UGT1A8: variants seen among roughly 807,000 people sequenced by gnomAD.
UGT1A8 encodes the protein UDP-glucuronosyltransferase 1A8.
In UGT1A8, 39 loss-of-function variants were observed where a neutral mutation model predicts 45.3. That is an observed-to-expected ratio of 0.86 (90% CI 0.67 to 1.12). The LOEUF is 1.12. UGT1A8 is among the 50% of genes most tolerant of loss of function. The probability of loss-of-function intolerance (pLI) is 0.00; values close to 1 mark genes in which losing one functional copy is unlikely to be tolerated. For synonymous variants in UGT1A8, 275 were observed against 249.2 expected (o/e 1.10, Z -0.97); for missense variants, 719 against 664.9 (o/e 1.08, Z -0.90).
chr2:233,712,420 A>G (rs1330088070), intron 1 of UGT1A8, among the ~76,000 whole-genome samples: 3 of 152,190 alleles, frequency 2.0e-5, no homozygotes, highest in African/African-American at 7.2e-5. Context: ...GCTTTACAAG[A>G]AATATCCTGG....
intron 1 of UGT1A8, among the ~76,000 whole-genome samples, chr2:233,653,834 T>C (rs987746841): frequency 2.0e-5 from 3 of 152,230 alleles, no homozygotes; most frequent in Non-Finnish European, 4.4e-5. Context: ...TGACTTCAGA[T>C]GATCTGCCCT....
At chr2:233,741,883 TAGA>T (rs1422759422) in intron 1 of UGT1A8, 4 of 151,920 alleles carry the variant, frequency 2.6e-5, no homozygotes, top group Admixed American at 2.0e-4. Context: ...GAGGTGACCC[TAGA>T]AGAAGGGACC....
intron 1 of UGT1A8, chr2:233,693,024 C>T (rs866045701): frequency 1.2e-6 from 2 of 1,614,158 alleles, no homozygotes; most frequent in Non-Finnish European, 1.7e-6. Context: ...CTCCTTCGCT[C>T]ATTTCAGAGA....
At chr2:233,669,550 T>C (rs953841720) in intron 1 of UGT1A8, among the ~76,000 whole-genome samples, 5 of 152,226 alleles carry the variant, frequency 3.3e-5, no homozygotes, top group Non-Finnish European at 7.3e-5. Context: ...TTATTTTTGA[T>C]GCTATTTAGG....
At chr2:233,695,670 G>C (rs962399799) in intron 1 of UGT1A8, among the ~76,000 whole-genome samples, 6 of 151,946 alleles carry the variant, frequency 3.9e-5, no homozygotes, top group Non-Finnish European at 8.8e-5. Flanking sequence ...AGAACATGTG[G>C]TATTTGTCTT....
At chr2:233,729,726 C>A in intron 1 of UGT1A8, 1 of 1,613,932 alleles carries the variant, frequency 6.2e-7, no homozygotes, top group Non-Finnish European at 8.5e-7. Context: ...TACTAACAAC[C>A]AATTCAGACC....
intron 1 of UGT1A8, among the ~76,000 whole-genome samples, chr2:233,766,438 G>A (rs1233276669): frequency 2.6e-5 from 4 of 152,194 alleles, no homozygotes; most frequent in Non-Finnish European, 5.9e-5. Flanking sequence ...AGCTACCTGT[G>A]TGTCTGCCTG....
rs564184455 is a variant in UGT1A8 at position 233,636,359 on chromosome 2, C to T, written c.855+17797C>T. ...TCAGCAAATGATACTCGTGTGTTATCGTTCTTATGAGTAAATCATTGGCAG... is the reference window on the plus strand; with the variant it reads ...TCAGCAAATGATACTCGTGTGTTATTGTTCTTATGAGTAAATCATTGGCAG... On this transcript the variant is annotated intron_variant, in intron 1 of 4. Coordinates refer to ENST00000373450, the MANE Select transcript of UGT1A8 (RefSeq NM_019076.5). 37 of 1,221,610 alleles carry T rather than the reference C, an allele frequency of 3.0e-5. No individual in the cohort carries two copies. The South Asian group carries it at 3.6e-4, about 12-fold the overall frequency. 75.7% of individuals were successfully genotyped at this position (1,221,610 alleles called of 1,614,324 possible). A position where few individuals can be genotyped will look rare whatever the true frequency, so the allele number is the denominator to read the frequency against.
chr2:233,677,783 A>T (rs2074399650), intron 1 of UGT1A8, among the ~76,000 whole-genome samples: 1 of 152,182 alleles, frequency 6.6e-6, no homozygotes, highest in Admixed American at 6.6e-5. Context: ...TTTGCAAAGA[A>T]CTTAAAACAG....
chr2:233,695,124 T>C (rs897495873), intron 1 of UGT1A8, among the ~76,000 whole-genome samples: 33 of 116,872 alleles, frequency 2.8e-4, no homozygotes, highest in African/African-American at 1.1e-3. Context: ...CCAACCCTTT[T>C]CTTTTCTTTT....
intron 1 of UGT1A8, among the ~76,000 whole-genome samples, chr2:233,624,510 TA>T (rs1201514651): frequency 3.9e-5 from 6 of 152,158 alleles, no homozygotes; most frequent in African/African-American, 1.2e-4. Flanking sequence ...TGTACCTTTG[TA>T]AAAACTTGGC....
At chr2:233,692,802 A>G (rs2075115278) in intron 1 of UGT1A8, 1 of 1,397,668 alleles carries the variant, frequency 7.2e-7, no homozygotes, top group Non-Finnish European at 9.3e-7. Context: ...TGACACGGCC[A>G]TAGTTGGTTC....
intron 1 of UGT1A8, among the ~76,000 whole-genome samples, chr2:233,629,268 C>T (rs1250571648): frequency 6.6e-6 from 1 of 152,162 alleles, no homozygotes; most frequent in Non-Finnish European, 1.5e-5. Flanking sequence ...CCTTAAGTTT[C>T]ATTCATGTTA....
Position 233,755,090 on chromosome 2 carries a change from C to G in UGT1A8, c.856-11944C>G, listed in dbSNP as rs778198655. On this transcript the variant is annotated intron_variant, in intron 1 of 4. Transcript: ENST00000373450. ...CATAGCGGTCATAGATATCGCGTTT[C>G]TACGCGTCCGACAACACCTCGTAGG... 4 of 1,336,104 alleles carry G rather than the reference C, an allele frequency of 3.0e-6. No homozygotes were observed. The South Asian group carries it at 4.6e-5, about 15-fold the overall frequency. The allele number at this position is 1,336,104 out of a possible 1,614,324, so 82.8% of individuals were successfully genotyped here. A position where few individuals can be genotyped will look rare whatever the true frequency, so the allele number is the denominator to read the frequency against.
At chr2:233,690,707 C>A (rs2075004016) in intron 1 of UGT1A8, 1 of 1,225,352 alleles carries the variant, frequency 8.2e-7, no homozygotes, top group African/African-American at 1.6e-5. Context: ...TAGGGATCGT[C>A]ATTATGACGA....
At chr2:233,678,119 G>C (rs1170169023) in intron 1 of UGT1A8, among the ~76,000 whole-genome samples, 1 of 152,094 alleles carries the variant, frequency 6.6e-6, no homozygotes, top group Non-Finnish European at 1.5e-5. Context: ...TAAATAGTGG[G>C]TACTTTTGGG....
At chr2:233,630,736 A>G (rs767944807) in intron 1 of UGT1A8, among the ~76,000 whole-genome samples, 5 of 150,554 alleles carry the variant, frequency 3.3e-5, no homozygotes, top group Non-Finnish European at 7.4e-5. Flanking sequence ...TTTAATTTTT[A>G]TTTTTATTTC....
chr2:233,757,231 AGTG>A (rs1225021845), intron 1 of UGT1A8, among the ~76,000 whole-genome samples: 2 of 127,510 alleles, frequency 1.6e-5, no homozygotes, highest in African/African-American at 6.0e-5. Flanking sequence ...AGGTTCCAGA[AGTG>A]GTGGTGAGGT....
chr2:233,721,852 T>C (rs2076975990), intron 1 of UGT1A8: 1 of 513,872 alleles, frequency 1.9e-6, no homozygotes, highest in African/African-American at 1.9e-5. Flanking sequence ...CCAGCCCCAC[T>C]GCTCGGCCCT....
Sources: gnomAD v4.1 joint callset for allele counts (sites outside exome capture counted in the v4.1 genomes callset) on GRCh38, gnomAD v4.1.1 for gene constraint, MANE v1.5 for transcripts, NCBI Gene and HGNC (gene_info 2026-07-23, HGNC 2026-07-21) for gene names.